Variants in TRAPPC8 observed in about 807,000 individuals in gnomAD.
TRAPPC8 encodes the protein general sporulation gene 1 homolog.
Under a neutral mutation model 174.3 loss-of-function variants are expected in TRAPPC8, and 54 were observed. The ratio of observed to expected loss-of-function variants is 0.31; its 90% CI spans 0.25 to 0.39. TRAPPC8 has a LOEUF of 0.39. TRAPPC8 is among the 10% of genes least tolerant of loss of function. The pLI is 1.00. For synonymous variants in TRAPPC8, 630 were observed against 579.9 expected (o/e 1.09, Z -1.24); for missense variants, 1,531 against 1,699.1 (o/e 0.90, Z 1.74).
chr18:31,830,467 A>C lies in TRAPPC8; in HGVS notation c.*288T>G. On this transcript the variant is annotated 3_prime_UTR_variant, in exon 29 of 29. Transcript: ENST00000283351. ...ATTGACAAGTTGTAACAGCAGACTT[A>C]GACTTTGTGTTTTCTTAAGATGGGG... The C allele has an allele frequency of 2.9e-6, 1 of 345,252 alleles. No individual in the cohort carries two copies. Among genetic ancestry groups the C allele is most frequent in the Non-Finnish European group, 5.3e-6 (1 of 188,062 alleles). The allele number at this position is 345,252 out of a possible 1,614,324, so 21.4% of individuals were successfully genotyped here. A position where few individuals can be genotyped will look rare whatever the true frequency, so the allele number is the denominator to read the frequency against.
intron 12 of TRAPPC8, among the ~76,000 whole-genome samples, chr18:31,880,119 A>ATT (rs1450323788): frequency 8.0e-4 from 58 of 72,818 alleles, no homozygotes; most frequent in African/African-American, 3.0e-3. Context: ...ATATATATAT[A>ATT]TATTTTTTTT....
chr18:31,862,677 T>C (rs1285557708), intron 19 of TRAPPC8, among the ~76,000 whole-genome samples: 1 of 152,058 alleles, frequency 6.6e-6, no homozygotes, highest in African/African-American at 2.4e-5. Context: ...TGCCCACCTC[T>C]CAGCACACAC....
intron 14 of TRAPPC8, among the ~76,000 whole-genome samples, chr18:31,872,388 C>T (rs2034911469): frequency 6.6e-6 from 1 of 152,062 alleles, no homozygotes; most frequent in South Asian, 2.1e-4. Flanking sequence ...TTGAAAATTT[C>T]CATAAGACAT....
At chr18:31,889,328 G>A (rs964997256) in intron 12 of TRAPPC8, among the ~76,000 whole-genome samples, 1 of 152,166 alleles carries the variant, frequency 6.6e-6, no homozygotes, top group Non-Finnish European at 1.5e-5. Flanking sequence ...ATCTGGGAAG[G>A]CAGATACAAG....
intron 27 of TRAPPC8, among the ~76,000 whole-genome samples, chr18:31,837,326 A>T (rs906233334): frequency 8.2e-5 from 2 of 24,346 alleles, no homozygotes; most frequent in Non-Finnish European, 2.0e-4. Context: ...TTACTATGTA[A>T]AAAAAAAAAG....
chr18:31,874,237 T>C (rs1364281590), intron 13 of TRAPPC8: 1 of 469,890 alleles, frequency 2.1e-6, no homozygotes, highest in East Asian at 3.3e-5. Flanking sequence ...TTTTTTTTTT[T>C]AAGATTCTAA....
rs775248334 is a variant in TRAPPC8 at position 31,900,972 on chromosome 18, A to C, written c.1443T>G (p.Pro481=). The C allele has an allele frequency of 1.9e-6, 3 of 1,593,148 alleles. No individual in the cohort carries two copies. Among genetic ancestry groups the C allele is most frequent in the Non-Finnish European group, 2.6e-6 (3 of 1,174,206 alleles). The change falls in exon 10 of 29, where the codon CCT becomes CCG. Residue 481 remains proline (P), a synonymous_variant. Coordinates refer to ENST00000283351, the MANE Select transcript of TRAPPC8 (RefSeq NM_014939.5). ...GAATTGCTGTATCCATGTAATGAGC[A>C]GGATATGGCCTAGGTGCTCCTGGTT... ...FLQPGAPRPY[P]AHYMDTAIQT... is the part of the protein sequence containing the mutation.
Position 31,831,327 on chromosome 18 carries a change from TGA to T in TRAPPC8, c.4074-340_4074-339del, listed in dbSNP as rs201816029. Among the ~76,000 whole-genome samples the T allele has an allele frequency of 2.6e-3, 401 of 152,298 alleles. 2 individuals carry two copies. The highest frequency in any genetic ancestry group is 8.8e-3 in the African/African-American group (365 of 41,572). On this transcript the variant is annotated intron_variant, in intron 28 of 28. Transcript: ENST00000283351. ...GATTGCACCACTGCACTCCAGCCCA[TGA>T]GAGAGCAAGACTCCATCTCAAGAAG...
At chr18:31,862,578 T>C (rs2145142877) in intron 19 of TRAPPC8, among the ~76,000 whole-genome samples, 1 of 152,248 alleles carries the variant, frequency 6.6e-6, no homozygotes, top group Non-Finnish European at 1.5e-5. Flanking sequence ...GGTCAGTCCA[T>C]AAGTTTTTTT....
chr18:31,831,606 A>G (rs1389002739), intron 28 of TRAPPC8, among the ~76,000 whole-genome samples: 1 of 152,144 alleles, frequency 6.6e-6, no homozygotes, highest in Non-Finnish European at 1.5e-5. Flanking sequence ...CTGTACATGA[A>G]TGCTTTTAAT....
intron 9 of TRAPPC8, 127 bp downstream of exon 9, chr18:31,907,333 A>G (rs1457309462): frequency 1.1e-6 from 1 of 872,920 alleles, no homozygotes; most frequent in South Asian, 3.3e-5. Context: ...GGAATTAACA[A>G]TCTGTAAAGT....
At chr18:31,941,373 G>A (rs1196715111) in intron 1 of TRAPPC8, among the ~76,000 whole-genome samples, 1 of 152,170 alleles carries the variant, frequency 6.6e-6, no homozygotes, top group Non-Finnish European at 1.5e-5. Context: ...AACCTGGGAG[G>A]CGGAGGTGGC....
intron 2 of TRAPPC8, among the ~76,000 whole-genome samples, chr18:31,926,044 G>T (rs112710003): frequency 1.3e-5 from 2 of 152,122 alleles, no homozygotes; most frequent in Admixed American, 1.3e-4. Context: ...AAATCCTCAG[G>T]ATGACAGCTG....
At chr18:31,886,708 C>A (rs758534922) in intron 12 of TRAPPC8, among the ~76,000 whole-genome samples, 1 of 152,078 alleles carries the variant, frequency 6.6e-6, no homozygotes, top group East Asian at 1.9e-4. Flanking sequence ...GGGTGCCGAG[C>A]GCAATGGCTC....
intron 1 of TRAPPC8, 95 bp downstream of exon 1, chr18:31,942,513 T>C: frequency 7.2e-7 from 1 of 1,387,448 alleles, no homozygotes; most frequent in Non-Finnish European, 9.4e-7. Flanking sequence ...CTCCAGGACG[T>C]AAACACTGCC....
In TRAPPC8 at chr18:31,864,747, C is replaced by G; in HGVS notation, c.2625G>C (p.Lys875Asn). 1.2e-6 allele frequency: 2 copies of G among 1,611,804 alleles called. No individual in the cohort carries two copies. Among genetic ancestry groups the G allele is most frequent in the Non-Finnish European group, 1.7e-6 (2 of 1,179,024 alleles). Residue 875 changes from lysine (K) to asparagine (N), a missense_variant, in exon 19 of 29, where the codon AAG becomes AAC. Lys to Asn is a moderately conservative substitution (Grantham distance 94, BLOSUM62 0). Coordinates refer to ENST00000283351, the MANE Select transcript of TRAPPC8 (RefSeq NM_014939.5). Reference sequence around the variant, plus strand: ...GAGGACCTTGAATTTCTAAATCCTGCTTCCCTCGGACTGACATACTCAAGG... The same window carrying G: ...GAGGACCTTGAATTTCTAAATCCTGGTTCCCTCGGACTGACATACTCAAGG... ...KYSLSMSVRG[K>N]QDLEIQGPRL...
Position 31,931,521 on chromosome 18 carries a change from G to T in TRAPPC8, c.160C>A (p.His54Asn). ...AGTTGATTATTAGGATCTCTCATGT[G>T]AACTTTAAAGAAAAAAAGAAAAAAA... ...KPFSRLTSEV[H>N]MRDPNNQLHV... is the part of the protein sequence containing the mutation. Residue 54 changes from histidine (H) to asparagine (N), a missense_variant and splice_region_variant, in exon 2 of 29, where the codon CAC (histidine) becomes AAC (asparagine). Physicochemically the swap from His to Asn is moderately conservative, Grantham distance 68. Transcript: ENST00000283351. 1 of 1,537,120 alleles carries T rather than the reference G, an allele frequency of 6.5e-7. No individual in the cohort carries two copies. The highest frequency in any genetic ancestry group is 1.3e-5 in the South Asian group (1 of 77,574).
At chr18:31,850,111 C>T (rs2033632671) in intron 24 of TRAPPC8, among the ~76,000 whole-genome samples, 1 of 152,062 alleles carries the variant, frequency 6.6e-6, no homozygotes, top group Non-Finnish European at 1.5e-5. Flanking sequence ...GCCACCACTC[C>T]CGCCTAATTT....
intron 5 of TRAPPC8, among the ~76,000 whole-genome samples, chr18:31,911,778 AAAG>A (rs1336433934): frequency 5.7e-4 from 82 of 143,444 alleles, no homozygotes; most frequent in African/African-American, 2.0e-3. Flanking sequence ...AAAAAAAAAA[AAAG>A]AATTTCTTCT....
Sources: allele counts gnomAD v4.1 joint callset (sites outside exome capture counted in the v4.1 genomes callset), GRCh38; gene constraint gnomAD v4.1.1; transcripts MANE v1.5; gene names NCBI Gene and HGNC (gene_info 2026-07-23, HGNC 2026-07-21).